The following CADM1 variants were observed in gnomAD, a reference collection of about 807,000 sequenced individuals.
The protein encoded by CADM1 is TSLC-1.
Under a neutral mutation model 53.1 loss-of-function variants are expected in CADM1, and 15 were observed. The observed-to-expected ratio is 0.28, with a 90% CI of 0.19 to 0.44. CADM1 has a LOEUF of 0.44. CADM1 is among the 20% of genes least tolerant of loss of function. The pLI, the probability that CADM1 is intolerant of heterozygous loss-of-function variation, is 1.00. For missense variants in CADM1, 434 were observed against 611.3 expected (o/e 0.71, Z 3.06); for synonymous variants, 281 against 243.0 (o/e 1.16, Z -1.45).
rs555321910 is a variant in CADM1 at position 115,249,965 on chromosome 11, T to C, written c.125-9545A>G. On this transcript the variant is annotated intron_variant, in intron 1 of 11. Coordinates refer to ENST00000331581, the MANE Select transcript of CADM1 (RefSeq NM_001301043.2). ...TGTTGCCCAGGCTGCAGTGCAGTAG[T>C]GCGATCTCGGCTCACTGCAAGCTCC... is the stretch of plus-strand genomic sequence containing the variant. 1.9e-4 allele frequency among the ~76,000 whole-genome samples: 23 copies of C among 118,024 alleles called. No homozygotes were observed. The South Asian group carries it at 5.4e-3, about 28-fold the overall frequency. The allele number at this position is 118,024 out of a possible 152,430, so 77.4% of individuals were successfully genotyped here. A position where few individuals can be genotyped will look rare whatever the true frequency, so the allele number is the denominator to read the frequency against.
chr11:115,496,601 G>A (rs1425743519), intron 1 of CADM1, among the ~76,000 whole-genome samples: 3 of 152,116 alleles, frequency 2.0e-5, no homozygotes, highest in Non-Finnish European at 4.4e-5. Flanking sequence ...TTGAGATTAG[G>A]TTTCTGAATG....
intron 1 of CADM1, among the ~76,000 whole-genome samples, chr11:115,495,680 A>G (rs1486318038): frequency 6.6e-6 from 1 of 152,206 alleles, no homozygotes; most frequent in African/African-American, 2.4e-5. Flanking sequence ...CGGTAACTTC[A>G]TTTAGCCAGG....
chr11:115,224,305 C>T (rs913623045), intron 5 of CADM1, among the ~76,000 whole-genome samples: 11 of 152,042 alleles, frequency 7.2e-5, no homozygotes, highest in Admixed American at 6.6e-4. Flanking sequence ...AAAAAATCTA[C>T]CCTTCTCTGG....
At chr11:115,318,026 A>G (rs1478756866) in intron 1 of CADM1, among the ~76,000 whole-genome samples, 3 of 151,462 alleles carry the variant, frequency 2.0e-5, no homozygotes, top group Non-Finnish European at 2.9e-5. Context: ...AATAAAAGTA[A>G]AGCTAACCTT....
At chr11:115,363,542 G>A (rs184930012) in intron 1 of CADM1, 1 of 152,172 alleles carries the variant, frequency 6.6e-6, no homozygotes, top group Non-Finnish European at 1.5e-5. Flanking sequence ...ACTAAGTTAA[G>A]AATAATAGAA....
At chr11:115,249,193 G>T (rs1432568451) in intron 1 of CADM1, among the ~76,000 whole-genome samples, 4 of 152,186 alleles carry the variant, frequency 2.6e-5, no homozygotes, top group African/African-American at 4.8e-5. Context: ...AGACAAAATG[G>T]AGTTGTGCTG....
chr11:115,256,612 A>T (rs1468550713), intron 1 of CADM1, among the ~76,000 whole-genome samples: 1 of 152,202 alleles, frequency 6.6e-6, no homozygotes, highest in African/African-American at 2.4e-5. Flanking sequence ...TATCACTCTG[A>T]AAATTTATAT....
chr11:115,209,450 A>G, intron 8 of CADM1, 124 bp downstream of exon 8: 1 of 1,396,550 alleles, frequency 7.2e-7, no homozygotes, highest in Non-Finnish European at 9.9e-7. Flanking sequence ...ATGTCGTTGG[A>G]GTTCCAAAAT....
At chr11:115,255,029 A>G (rs1437649417) in intron 1 of CADM1, among the ~76,000 whole-genome samples, 1 of 152,172 alleles carries the variant, frequency 6.6e-6, no homozygotes, top group Non-Finnish European at 1.5e-5. Context: ...TCAGGAGCTG[A>G]TAAGAGTCAG....
intron 1 of CADM1, among the ~76,000 whole-genome samples, chr11:115,376,049 AT>A (rs34523471): frequency 6.6e-6 from 1 of 152,154 alleles, no homozygotes; most frequent in Non-Finnish European, 1.5e-5. Context: ...CTTGTAATTT[AT>A]TTTGAAAAAA....
intron 1 of CADM1, among the ~76,000 whole-genome samples, chr11:115,275,787 A>C (rs1943428092): frequency 6.6e-6 from 1 of 152,184 alleles, no homozygotes; most frequent in Admixed American, 6.5e-5. Flanking sequence ...GCGTTAGAGG[A>C]TAATGGTGCG....
chr11:115,183,077 T>A (rs1204617503), intron 10 of CADM1, among the ~76,000 whole-genome samples: 1 of 152,176 alleles, frequency 6.6e-6, no homozygotes, highest in Non-Finnish European at 1.5e-5. Flanking sequence ...CTTGGGCCAG[T>A]TGACCTGGCC....
At chr11:115,286,458 C>T (rs1311558406) in intron 1 of CADM1, among the ~76,000 whole-genome samples, 2 of 152,160 alleles carry the variant, frequency 1.3e-5, no homozygotes, top group Non-Finnish European at 2.9e-5. Flanking sequence ...AAACTGATTA[C>T]TATATGCATT....
intron 7 of CADM1, chr11:115,214,395 C>CTAG (rs1941087533): frequency 1.7e-6 from 1 of 583,230 alleles, no homozygotes; most frequent in Non-Finnish European, 3.1e-6. Flanking sequence ...AGACTGTGAT[C>CTAG]TAGTAGAAAC....
intron 1 of CADM1, among the ~76,000 whole-genome samples, chr11:115,464,456 C>G (rs1948856205): frequency 6.6e-6 from 1 of 152,130 alleles, no homozygotes; most frequent in African/African-American, 2.4e-5. Context: ...CTAAGCCTGA[C>G]TTAAGCTCCA....
intron 1 of CADM1, among the ~76,000 whole-genome samples, chr11:115,331,873 C>CT (rs141722707): frequency 0.25 from 35,964 of 144,016 alleles, 4,814 homozygotes; most frequent in African/African-American, 0.33. Context: ...AAATATAGAC[C>CT]TTTTTTTTTG....
intron 1 of CADM1, among the ~76,000 whole-genome samples, chr11:115,297,869 AT>A (rs1463112800): frequency 6.6e-6 from 1 of 152,228 alleles, no homozygotes; most frequent in East Asian, 1.9e-4. Flanking sequence ...ATGTAGAAGA[AT>A]GGAGAGCTGC....
intron 1 of CADM1, among the ~76,000 whole-genome samples, chr11:115,322,685 T>C (rs932900313): frequency 1.4e-4 from 22 of 152,194 alleles, no homozygotes; most frequent in Non-Finnish European, 2.2e-4. Context: ...TTGGGCTTCT[T>C]CCACTTAGCA....
chr11:115,362,165 G>A (rs1023372866), intron 1 of CADM1, among the ~76,000 whole-genome samples: 1 of 152,208 alleles, frequency 6.6e-6, no homozygotes, highest in Non-Finnish European at 1.5e-5. Flanking sequence ...ACAGTGGCTT[G>A]TAATAAACTT....
Sources: gnomAD v4.1 joint callset for allele counts (sites outside exome capture counted in the v4.1 genomes callset) on GRCh38, gnomAD v4.1.1 for gene constraint, MANE v1.5 for transcripts, NCBI Gene and HGNC (gene_info 2026-07-23, HGNC 2026-07-21) for gene names.